The following SCD5 variants were observed in gnomAD, a reference collection of about 807,000 sequenced individuals.
The protein encoded by SCD5 is acyl-CoA-desaturase 4.
Under a neutral mutation model 30.4 loss-of-function variants are expected in SCD5, and 20 were observed. The observed-to-expected ratio is 0.66, with a 90% CI of 0.46 to 0.96. SCD5 has a LOEUF of 0.96. SCD5 is among the 40% of genes least tolerant of loss of function. The pLI, the probability that SCD5 is intolerant of heterozygous loss-of-function variation, is 0.00. For synonymous variants in SCD5, 173 were observed against 176.4 expected (o/e 0.98, Z 0.16); for missense variants, 381 against 443.3 (o/e 0.86, Z 1.26).
chr4:82,766,240 C>T (rs1256273693), intron 1 of SCD5, among the ~76,000 whole-genome samples: 2 of 152,238 alleles, frequency 1.3e-5, no homozygotes, highest in Non-Finnish European at 2.9e-5. Flanking sequence ...CCATCTGACG[C>T]TGTCCCACAG....
At chr4:82,747,307 T>A (rs959932742) in intron 1 of SCD5, among the ~76,000 whole-genome samples, 1 of 152,196 alleles carries the variant, frequency 6.6e-6, no homozygotes, top group Non-Finnish European at 1.5e-5. Flanking sequence ...GAAATGCAAA[T>A]GAGGAAACTG....
chr4:82,671,514 T>C (rs1728322910), intron 3 of SCD5, among the ~76,000 whole-genome samples: 1 of 151,986 alleles, frequency 6.6e-6, no homozygotes, highest in African/African-American at 2.4e-5. Flanking sequence ...CTTAACAAAT[T>C]TAAAAGAATA....
chr4:82,798,643 T>G lies in SCD5; in HGVS notation c.-106A>C. ...GCTTCTGCCTTTTAGGGGGGAATTC[T>G]CCGCACGTCCAGTCCCCTCCTTCCA... On this transcript the variant is annotated 5_prime_UTR_variant, in exon 1 of 5. Transcript: ENST00000319540. The G allele has an allele frequency of 1.1e-6, 1 of 937,880 alleles. No homozygotes were observed. The highest frequency in any genetic ancestry group is 1.6e-6 in the Non-Finnish European group (1 of 643,962). The allele number at this position is 937,880 out of a possible 1,614,324, so 58.1% of individuals were successfully genotyped here.
intron 1 of SCD5, among the ~76,000 whole-genome samples, chr4:82,740,852 C>A (rs1157987517): frequency 6.6e-6 from 1 of 152,194 alleles, no homozygotes; most frequent in Non-Finnish European, 1.5e-5. Context: ...AGAACCAGAA[C>A]TGACAGAGGC....
chr4:82,796,383 A>G (rs970281662), intron 1 of SCD5, among the ~76,000 whole-genome samples: 6 of 152,136 alleles, frequency 3.9e-5, no homozygotes, highest in Non-Finnish European at 7.4e-5. Context: ...AGATTCCTTC[A>G]GTGTGTTAAC....
intron 2 of SCD5, chr4:82,697,959 T>G: frequency 2.2e-6 from 1 of 455,612 alleles, no homozygotes; most frequent in Non-Finnish European, 4.4e-6. Context: ...GTTCCAAATG[T>G]GCCCTGGATG....
intron 1 of SCD5, among the ~76,000 whole-genome samples, chr4:82,728,708 G>A (rs936180270): frequency 5.3e-5 from 8 of 151,976 alleles, no homozygotes; most frequent in Non-Finnish European, 8.8e-5. Flanking sequence ...CCTAGCCCCC[G>A]ACCACTGCTC....
chr4:82,700,823 A>G (rs1192048121), intron 2 of SCD5, among the ~76,000 whole-genome samples: 1 of 116,466 alleles, frequency 8.6e-6, no homozygotes, highest in Admixed American at 1.0e-4. Context: ...AAAAAAAAAA[A>G]AAGACATTCT....
intron 4 of SCD5, among the ~76,000 whole-genome samples, chr4:82,635,764 G>A (rs1317010995): frequency 6.6e-6 from 1 of 152,076 alleles, no homozygotes; most frequent in Non-Finnish European, 1.5e-5. Context: ...ATAGGGACAC[G>A]AAAGGCAGAA....
chr4:82,787,970 G>A (rs911007111), intron 1 of SCD5, among the ~76,000 whole-genome samples: 1 of 152,184 alleles, frequency 6.6e-6, no homozygotes. Flanking sequence ...TCAGGAGTTC[G>A]TGGTTAGAGT....
rs72911301 is a variant in SCD5 at position 82,654,027 on chromosome 4, C to G, written c.570-17204G>C. ...CTGTCTCCCAGGTTCAAGCAATTCT[C>G]CTGCCTCAGCCTCCCAAGTAGCTGG... On this transcript the variant is annotated intron_variant, in intron 3 of 4. Transcript: ENST00000319540. Among the ~76,000 whole-genome samples the G allele has an allele frequency of 4.5e-3, 686 of 152,128 alleles. 6 individuals carry two copies. Among genetic ancestry groups the G allele is most frequent in the African/African-American group, 0.015 (643 of 41,492 alleles).
chr4:82,715,173 G>T (rs1374831430), intron 1 of SCD5, among the ~76,000 whole-genome samples: 4 of 150,928 alleles, frequency 2.7e-5, no homozygotes, highest in African/African-American at 7.4e-5. Context: ...GGAGGCAGAG[G>T]TTGCAGTGCA....
chr4:82,636,842 T>TA lies in SCD5; in HGVS notation c.570-20dup. On this transcript the variant is annotated intron_variant, in intron 3 of 4. Coordinates refer to ENST00000319540, the MANE Select transcript of SCD5 (RefSeq NM_001037582.3). ...ATAGTACCTACAGGGCAAGACACCATATCACCATGAGGACCCGCTGATGGG... is the reference window on the plus strand; with the variant it reads ...ATAGTACCTACAGGGCAAGACACCATAATCACCATGAGGACCCGCTGATGGG... 1 of 1,586,542 alleles carries TA rather than the reference T, an allele frequency of 6.3e-7. No individual in the cohort carries two copies. The highest frequency in any genetic ancestry group is 8.6e-7 in the Non-Finnish European group (1 of 1,164,274).
intron 3 of SCD5, among the ~76,000 whole-genome samples, chr4:82,647,422 T>G (rs1002039466): frequency 1.3e-5 from 2 of 152,210 alleles, no homozygotes; most frequent in African/African-American, 4.8e-5. Context: ...TGGAGTTATT[T>G]TAGCCACCGT....
chr4:82,786,859 A>T (rs1392223448), intron 1 of SCD5, among the ~76,000 whole-genome samples: 3 of 152,004 alleles, frequency 2.0e-5, no homozygotes, highest in African/African-American at 7.2e-5. Flanking sequence ...AGCAACGTAG[A>T]TCAAGCACTT....
intron 4 of SCD5, 40 bp from the exon 5 acceptor site, chr4:82,631,557 C>T (rs1430774800): frequency 2.5e-6 from 4 of 1,595,952 alleles, no homozygotes; most frequent in Non-Finnish European, 3.4e-6. Context: ...TCAATCACCA[C>T]CTCTCTGCAT....
intron 2 of SCD5, among the ~76,000 whole-genome samples, chr4:82,690,622 C>T (rs1728812387): frequency 6.6e-6 from 1 of 152,188 alleles, no homozygotes; most frequent in Non-Finnish European, 1.5e-5. Flanking sequence ...TGTTAACATC[C>T]TCTTTCCATT....
intron 1 of SCD5, among the ~76,000 whole-genome samples, chr4:82,758,078 G>A (rs1337452718): frequency 6.6e-6 from 1 of 152,176 alleles, no homozygotes; most frequent in African/African-American, 2.4e-5. Context: ...GGAATAAGTA[G>A]AAACAATCTG....
chr4:82,714,619 G>T (rs1363889097), intron 1 of SCD5, among the ~76,000 whole-genome samples: 2 of 152,120 alleles, frequency 1.3e-5, no homozygotes, highest in Non-Finnish European at 2.9e-5. Flanking sequence ...GTAAAATGAA[G>T]GGAGTAAAAC....
Sources: gnomAD v4.1 joint callset for allele counts (sites outside exome capture counted in the v4.1 genomes callset) on GRCh38, gnomAD v4.1.1 for gene constraint, MANE v1.5 for transcripts, NCBI Gene and HGNC (gene_info 2026-07-23, HGNC 2026-07-21) for gene names.